LDB2: variants seen among roughly 807,000 people sequenced by gnomAD.
The protein encoded by LDB2 is LIM domain binding 2.
Under a neutral mutation model 44.3 loss-of-function variants are expected in LDB2, and 12 were observed. That is an observed-to-expected ratio of 0.27 (90% CI 0.17 to 0.44). The LOEUF (loss-of-function observed/expected upper bound fraction) is 0.44, where lower values mean the gene tolerates loss of function less well. Ranked by LOEUF, LDB2 falls within the 20% of genes least tolerant of loss-of-function variation. LDB2 has a pLI of 1.00. For synonymous variants in LDB2, 164 were observed against 174.8 expected, an observed-to-expected ratio of 0.94 and a Z score of 0.49; for missense variants, 344 against 473.5, an observed-to-expected ratio of 0.73 and a Z score of 2.54.
chr4:16,510,019 G>A (rs1721090704), intron 6 of LDB2, among the ~76,000 whole-genome samples: 1 of 152,142 alleles, frequency 6.6e-6, no homozygotes, highest in Non-Finnish European at 1.5e-5. Flanking sequence ...TGAGGCTGAG[G>A]TGTGAGAATC....
intron 2 of LDB2, among the ~76,000 whole-genome samples, chr4:16,687,594 C>G (rs1749567256): frequency 6.6e-6 from 1 of 152,160 alleles, no homozygotes; most frequent in Admixed American, 6.5e-5. Context: ...TAAACTAAGT[C>G]TGGACTTCTC....
chr4:16,858,850 C>T (rs552064116), intron 1 of LDB2, among the ~76,000 whole-genome samples: 18 of 152,234 alleles, frequency 1.2e-4, no homozygotes, highest in Non-Finnish European at 2.1e-4. Flanking sequence ...CGTATCGTTG[C>T]CCAAGTTCTT....
At chr4:16,528,815 A>G (rs1173130203) in intron 5 of LDB2, among the ~76,000 whole-genome samples, 1 of 152,188 alleles carries the variant, frequency 6.6e-6, no homozygotes, top group East Asian at 1.9e-4. Context: ...TAGGGGCTTC[A>G]TGAGGCTGAA....
At chr4:16,692,887 C>T (rs1235997785) in intron 2 of LDB2, among the ~76,000 whole-genome samples, 2 of 152,170 alleles carry the variant, frequency 1.3e-5, no homozygotes, top group Non-Finnish European at 2.9e-5. Context: ...CTATAGAAAT[C>T]CAAGGCAATT....
At position 16,636,351 on chromosome 4, in the gene LDB2, T is replaced by G. The variant is rs1163643270; in HGVS notation, c.236-40476A>C. ...GCTCCAGCCACAGCCAGGATGTATTTTCTCCTCTTCTCCCAAATTACTAGA... is the reference window on the plus strand; with the variant it reads ...GCTCCAGCCACAGCCAGGATGTATTGTCTCCTCTTCTCCCAAATTACTAGA... On this transcript the variant is annotated intron_variant, in intron 2 of 7. Transcript: ENST00000304523. Among the ~76,000 whole-genome samples, 4 of 152,206 alleles carry G rather than the reference T, an allele frequency of 2.6e-5. 1 individual carries two copies. The South Asian group carries it at 6.2e-4, about 24-fold the overall frequency.
intron 2 of LDB2, among the ~76,000 whole-genome samples, chr4:16,701,757 A>G (rs538981546): frequency 6.6e-6 from 1 of 152,230 alleles, no homozygotes; most frequent in African/African-American, 2.4e-5. Context: ...CTGTTCTAAC[A>G]CTGAGTAATA....
intron 2 of LDB2, among the ~76,000 whole-genome samples, chr4:16,665,508 G>T (rs955603661): frequency 6.6e-5 from 10 of 151,972 alleles, no homozygotes; most frequent in Admixed American, 6.5e-4. Flanking sequence ...CTCATGATCT[G>T]CCCACCTCGG....
chr4:16,784,755 C>T (rs1433059772), intron 1 of LDB2, among the ~76,000 whole-genome samples: 1 of 152,190 alleles, frequency 6.6e-6, no homozygotes, highest in East Asian at 1.9e-4. Flanking sequence ...TAGCCCACCA[C>T]TCTCTCCTTC....
In LDB2 at chr4:16,599,878, A is replaced by G. The variant is rs571897377; in HGVS notation, c.236-4003T>C. On this transcript the variant is annotated intron_variant, in intron 2 of 7. Coordinates refer to ENST00000304523, the MANE Select transcript of LDB2 (RefSeq NM_001290.5). ...CCCTCTCTTTCAAATTGATTTTTGA[A>G]TTTGAATTAGATTTTTGTCCCTGTC... Among the ~76,000 whole-genome samples the G allele has an allele frequency of 2.0e-5, 3 of 152,300 alleles. No homozygotes were observed. The South Asian group carries it at 6.2e-4, about 32-fold the overall frequency.
At chr4:16,872,598 A>C (rs937321444) in intron 1 of LDB2, among the ~76,000 whole-genome samples, 25 of 152,246 alleles carry the variant, frequency 1.6e-4, no homozygotes, top group African/African-American at 5.5e-4. Flanking sequence ...TTAACAACAA[A>C]AAAAAAGTTT....
intron 1 of LDB2, among the ~76,000 whole-genome samples, chr4:16,760,624 T>C (rs1447225485): frequency 6.6e-6 from 1 of 152,122 alleles, no homozygotes; most frequent in East Asian, 1.9e-4. Flanking sequence ...TGTGTAGGCC[T>C]TCAGAATGCA....
chr4:16,631,532 A>G (rs1420192516), intron 2 of LDB2, among the ~76,000 whole-genome samples: 1 of 152,208 alleles, frequency 6.6e-6, no homozygotes, highest in Non-Finnish European at 1.5e-5. Flanking sequence ...GAACCAGAGA[A>G]GCAAGAGCAA....
intron 7 of LDB2, chr4:16,503,260 C>A: frequency 1.1e-6 from 1 of 907,488 alleles, no homozygotes. Flanking sequence ...CAAAAATCTG[C>A]CACTTTTATT....
At chr4:16,643,105 A>G (rs907595694) in intron 2 of LDB2, among the ~76,000 whole-genome samples, 1 of 149,970 alleles carries the variant, frequency 6.7e-6, no homozygotes, top group African/African-American at 2.4e-5. Flanking sequence ...AGATGGCAGT[A>G]AGCTGTCTTC....
At chr4:16,604,828 C>T (rs1350738810) in intron 2 of LDB2, among the ~76,000 whole-genome samples, 4 of 152,050 alleles carry the variant, frequency 2.6e-5, no homozygotes, top group South Asian at 2.1e-4. Flanking sequence ...TTTCAATTAT[C>T]GAACACCTTT....
chr4:16,751,108 A>AT (rs967671497), intron 2 of LDB2, among the ~76,000 whole-genome samples: 20 of 152,150 alleles, frequency 1.3e-4, no homozygotes, highest in Non-Finnish European at 2.4e-4. Context: ...CATAATGTCC[A>AT]TTTTCTGGTT....
At chr4:16,788,127 G>C (rs536439312) in intron 1 of LDB2, among the ~76,000 whole-genome samples, 11 of 152,220 alleles carry the variant, frequency 7.2e-5, no homozygotes, top group Non-Finnish European at 1.5e-4. Context: ...GCATTGGGCT[G>C]CGAGTTGGCG....
intron 5 of LDB2, among the ~76,000 whole-genome samples, chr4:16,538,837 A>G (rs901546096): frequency 6.6e-6 from 1 of 152,150 alleles, no homozygotes; most frequent in East Asian, 1.9e-4. Flanking sequence ...TAATTTAATC[A>G]TCATGACAAC....
At chr4:16,716,372 G>A (rs1757077655) in intron 2 of LDB2, among the ~76,000 whole-genome samples, 1 of 152,174 alleles carries the variant, frequency 6.6e-6, no homozygotes, top group South Asian at 2.1e-4. Context: ...GAATATTTGG[G>A]ATGAAGTGGA....
Sources: allele counts gnomAD v4.1 joint callset (sites outside exome capture counted in the v4.1 genomes callset), GRCh38; gene constraint gnomAD v4.1.1; transcripts MANE v1.5; gene names NCBI Gene and HGNC (gene_info 2026-07-23, HGNC 2026-07-21).